Variants in PNOC observed in about 807,000 individuals in gnomAD.
The protein encoded by PNOC is prepronociceptin.
PNOC carries 10 observed loss-of-function variants against 15.6 expected under a neutral mutation model. The ratio of observed to expected loss-of-function variants is 0.64; its 90% CI spans 0.40 to 1.09. The LOEUF (loss-of-function observed/expected upper bound fraction) is 1.09, where lower values mean the gene tolerates loss of function less well. Among genes scored for constraint, PNOC ranks in the 50% least tolerant of loss-of-function variants. The pLI is 0.01. For synonymous variants in PNOC, 98 were observed against 88.5 expected, an observed-to-expected ratio of 1.11 and a Z score of -0.60; for missense variants, 220 against 223.9, an observed-to-expected ratio of 0.98 and a Z score of 0.11.
intron 1 of PNOC, among the ~76,000 whole-genome samples, chr8:28,321,739 G>C (rs1801155587): frequency 6.6e-6 from 1 of 152,160 alleles, no homozygotes; most frequent in Non-Finnish European, 1.5e-5. Context: ...TCTTGTTTCT[G>C]AGCACAGCTC....
At chr8:28,340,684 A>T (rs1801502044) in intron 3 of PNOC, among the ~76,000 whole-genome samples, 1 of 152,218 alleles carries the variant, frequency 6.6e-6, no homozygotes, top group South Asian at 2.1e-4. Context: ...AGTCTATACA[A>T]GAAGCATGGC....
At chr8:28,330,396 A>ATTTTTTTTTTTTTTTT (rs67554549) in intron 2 of PNOC, among the ~76,000 whole-genome samples, 7 of 80,450 alleles carry the variant, frequency 8.7e-5, no homozygotes, top group African/African-American at 1.6e-4. Flanking sequence ...ATTTTATTTT[A>ATTTTTTTTTTTTTTTT]TTTTTTTTTT....
At chr8:28,319,415 TTCCTC>T (rs1394711784) in intron 1 of PNOC, among the ~76,000 whole-genome samples, 7 of 152,116 alleles carry the variant, frequency 4.6e-5, no homozygotes, top group Non-Finnish European at 5.9e-5. Flanking sequence ...GAAGGAGCAT[TTCCTC>T]CAGGCATTCC....
intron 2 of PNOC, among the ~76,000 whole-genome samples, chr8:28,330,400 T>TTTA (rs1554517530): frequency 2.4e-4 from 25 of 102,244 alleles, no homozygotes; most frequent in Non-Finnish European, 3.9e-4. Flanking sequence ...TATTTTATTT[T>TTTA]TTTTTTTTTT....
intron 3 of PNOC, among the ~76,000 whole-genome samples, chr8:28,341,919 A>G (rs1432025059): frequency 2.0e-5 from 3 of 152,130 alleles, no homozygotes; most frequent in Non-Finnish European, 2.9e-5. Context: ...TGCCCTACAC[A>G]TGATGGAGAT....
chr8:28,321,192 C>T (rs1801146271), intron 1 of PNOC, among the ~76,000 whole-genome samples: 1 of 148,474 alleles, frequency 6.7e-6, no homozygotes, highest in South Asian at 2.1e-4. Flanking sequence ...ATGTGCACCA[C>T]CACACCTAGC....
At chr8:28,340,373 C>T (rs1318136433) in intron 3 of PNOC, among the ~76,000 whole-genome samples, 1 of 152,194 alleles carries the variant, frequency 6.6e-6, no homozygotes, top group Non-Finnish European at 1.5e-5. Flanking sequence ...TAATATACAT[C>T]AAATACCCTA....
chr8:28,325,664 A>T, intron 1 of PNOC, among the ~76,000 whole-genome samples: 1 of 116,916 alleles, frequency 8.6e-6, no homozygotes, highest in South Asian at 2.9e-4. Flanking sequence ...AAAAAAAAAA[A>T]AGAAAAAGAA....
chr8:28,320,579 A>T (rs914471085), intron 1 of PNOC, among the ~76,000 whole-genome samples: 1 of 152,218 alleles, frequency 6.6e-6, no homozygotes, highest in Non-Finnish European at 1.5e-5. Context: ...GGCCGGGCGC[A>T]GTGGCTCATG....
chr8:28,335,339 C>T lies in PNOC; in HGVS notation c.127-3701C>T, dbSNP rs190393462. ...TTGTTCAGGTTATACTGTTATCTAA[C>T]CGTGTTGTTTTGGACACATTACTCA... On this transcript the variant is annotated intron_variant, in intron 2 of 3. Transcript: ENST00000301908. Among the ~76,000 whole-genome samples the T allele has an allele frequency of 3.2e-4, 49 of 152,336 alleles. No individual in the cohort carries two copies. The East Asian group carries it at 9.3e-3, about 29-fold the overall frequency.
intron 2 of PNOC, among the ~76,000 whole-genome samples, chr8:28,336,392 A>AGAGGGGCAGCACT (rs1234944149): frequency 6.6e-6 from 1 of 152,208 alleles, no homozygotes; most frequent in Non-Finnish European, 1.5e-5. Flanking sequence ...AGGGAACTAG[A>AGAGGGGCAGCACT]AGTTATCAGA....
intron 1 of PNOC, among the ~76,000 whole-genome samples, chr8:28,325,003 T>A (rs1801202464): frequency 6.6e-6 from 1 of 152,222 alleles, no homozygotes; most frequent in Admixed American, 6.5e-5. Flanking sequence ...CTGAGATAGG[T>A]ACTAATTTCA....
rs144887037 is a variant in PNOC at position 28,331,361 on chromosome 8, A to G, written c.126+2078A>G. 4.4e-3 allele frequency among the ~76,000 whole-genome samples: 676 copies of G among 152,146 alleles called. 4 individuals are homozygous for G. Among genetic ancestry groups the G allele is most frequent in the African/African-American group, 0.014 (566 of 41,496 alleles). On this transcript the variant is annotated intron_variant, in intron 2 of 3. Transcript: ENST00000301908. ...GCTGATGATTTCCTCCTTCAGGAAC[A>G]CCAGCCCTCTCTCGGTCCATGTGCC...
At chr8:28,317,399 G>A (rs1218776258) in intron 1 of PNOC, 83 bp downstream of exon 1, 1 of 152,388 alleles carries the variant, frequency 6.6e-6, no homozygotes, top group African/African-American at 2.4e-5. Context: ...GGGCCACCAG[G>A]GGCTGGCTCC....
chr8:28,332,351 T>G (rs1801342046), intron 2 of PNOC, among the ~76,000 whole-genome samples: 1 of 152,198 alleles, frequency 6.6e-6, no homozygotes, highest in South Asian at 2.1e-4. Flanking sequence ...ACTTCCCCAG[T>G]CCTTCCACCA....
rs1801552439 is a variant in PNOC, at chr8:28,343,062, A to G, written c.*168A>G. ...GATCCCGCAGGCTTCGTTTGCCTCC[A>G]GAACCTTCCCGTCTGATTGTTCCTC... On this transcript the variant is annotated 3_prime_UTR_variant, in exon 4 of 4. Coordinates refer to ENST00000301908, the MANE Select transcript of PNOC (RefSeq NM_006228.5). 1 of 894,094 alleles carries G rather than the reference A, an allele frequency of 1.1e-6. No individual in the cohort carries two copies. The highest frequency in any genetic ancestry group is 1.3e-6 in the Non-Finnish European group (1 of 746,212). 55.4% of individuals were successfully genotyped at this position (894,094 alleles called of 1,614,324 possible). A position where few individuals can be genotyped will look rare whatever the true frequency, so the allele number is the denominator to read the frequency against.
intron 1 of PNOC, among the ~76,000 whole-genome samples, chr8:28,325,572 A>G (rs1801210856): frequency 6.6e-6 from 1 of 151,368 alleles, no homozygotes; most frequent in Non-Finnish European, 1.5e-5. Flanking sequence ...GAATCACTTA[A>G]ACTTAAGAGG....
At chr8:28,335,769 T>C (rs1487301006) in intron 2 of PNOC, among the ~76,000 whole-genome samples, 6 of 152,112 alleles carry the variant, frequency 3.9e-5, no homozygotes, top group Non-Finnish European at 5.9e-5. Context: ...CCTCAGATGA[T>C]CCGCCCGCCT....
intron 3 of PNOC, 140 bp downstream of exon 3, chr8:28,339,631 C>T (rs1287151237): frequency 3.3e-6 from 2 of 611,376 alleles, no homozygotes; most frequent in Admixed American, 7.4e-5. Context: ...AGGAGTCCAG[C>T]CCACCCTTTC....
Sources: gnomAD v4.1 joint callset for allele counts (sites outside exome capture counted in the v4.1 genomes callset) on GRCh38, gnomAD v4.1.1 for gene constraint, MANE v1.5 for transcripts, NCBI Gene and HGNC (gene_info 2026-07-23, HGNC 2026-07-21) for gene names.